ARHGAP31: variants seen among roughly 807,000 people sequenced by gnomAD.
ARHGAP31 encodes the protein Rho GTPase activating protein 31, also known as rho GTPase-activating protein 31.
ARHGAP31 carries 34 observed loss-of-function variants against 113.9 expected under a neutral mutation model. That is an observed-to-expected ratio of 0.30 (90% CI 0.23 to 0.40). ARHGAP31 has a LOEUF of 0.40. Ranked by LOEUF, ARHGAP31 falls within the 10% of genes least tolerant of loss-of-function variation. The pLI is 1.00. For missense variants in ARHGAP31, 1,548 were observed against 1,767.1 expected (o/e 0.88, Z 2.22); for synonymous variants, 650 against 684.8 (o/e 0.95, Z 0.79).
chr3:119,368,267 C>A, intron 2 of ARHGAP31, 105 bp from the exon 3 acceptor site: 1 of 1,424,056 alleles, frequency 7.0e-7, no homozygotes, highest in Non-Finnish European at 9.8e-7. Context: ...AAAATATAGT[C>A]AGAATCAGCA....
At chr3:119,336,763 A>C (rs1001303647) in intron 1 of ARHGAP31, among the ~76,000 whole-genome samples, 1 of 152,216 alleles carries the variant, frequency 6.6e-6, no homozygotes, top group Non-Finnish European at 1.5e-5. Context: ...CAACATTTGC[A>C]TCACCCTCAA....
chr3:119,404,462 T>A (rs1173288272), intron 10 of ARHGAP31, among the ~76,000 whole-genome samples: 1 of 152,184 alleles, frequency 6.6e-6, no homozygotes, highest in Non-Finnish European at 1.5e-5. Context: ...GCTGAGAGGC[T>A]CAGGGGCAAC....
Position 119,419,358 on chromosome 3 carries a change from T to G in ARHGAP31, c.*3094T>G, listed in dbSNP as rs1284764247. On this transcript the variant is annotated 3_prime_UTR_variant, in exon 12 of 12. Transcript: ENST00000264245. ...CCTATATTTTCTGCTACACTTGGAA[T>G]ATGAAGAAATCTGAACAAGAACCCC... 2 of 152,204 alleles carry G rather than the reference T, an allele frequency of 1.3e-5. No homozygotes were observed. The highest frequency in any genetic ancestry group is 2.4e-5 in the African/African-American group (1 of 41,456). The allele number at this position is 152,204 out of a possible 1,614,324, so 9.4% of individuals were successfully genotyped here.
intron 10 of ARHGAP31, among the ~76,000 whole-genome samples, chr3:119,409,171 C>T (rs1440473032): frequency 6.6e-6 from 1 of 152,122 alleles, no homozygotes; most frequent in African/African-American, 2.4e-5. Context: ...CACCCCTCCC[C>T]AATGTTGTGG....
At chr3:119,326,463 G>T (rs2079844906) in intron 1 of ARHGAP31, among the ~76,000 whole-genome samples, 1 of 151,264 alleles carries the variant, frequency 6.6e-6, no homozygotes, top group Admixed American at 6.6e-5. Flanking sequence ...CATTGTGTAA[G>T]ATCTAAAACT....
chr3:119,330,024 T>C (rs772708231), intron 1 of ARHGAP31: 55 of 984,984 alleles, frequency 5.6e-5, no homozygotes, highest in Non-Finnish European at 6.3e-5. Flanking sequence ...CATTTGCCAG[T>C]TGCTTCATAA....
chr3:119,381,053 G>T, intron 4 of ARHGAP31, 67 bp downstream of exon 4: 1 of 1,469,458 alleles, frequency 6.8e-7, no homozygotes, highest in Non-Finnish European at 9.5e-7. Context: ...AGACAGGCTG[G>T]CATCATGGAA....
chr3:119,353,290 G>A (rs114862198), intron 1 of ARHGAP31, among the ~76,000 whole-genome samples: 2,619 of 152,232 alleles, frequency 0.017, 47 homozygotes, highest in East Asian at 0.06. Context: ...ACATCTAAAA[G>A]CTCTGCCTGA....
chr3:119,399,741 C>CTATT (rs952220598), intron 9 of ARHGAP31, among the ~76,000 whole-genome samples: 1 of 152,226 alleles, frequency 6.6e-6, no homozygotes, highest in Non-Finnish European at 1.5e-5. Flanking sequence ...ATTCATGTAT[C>CTATT]TATTTATTCA....
In ARHGAP31 at chr3:119,414,540, G is replaced by C; in HGVS notation, c.2611G>C (p.Val871Leu). The C allele has an allele frequency of 1.2e-6, 2 of 1,614,222 alleles. No individual in the cohort carries two copies. The highest frequency in any genetic ancestry group is 1.7e-6 in the Non-Finnish European group (2 of 1,180,026). The change falls in exon 12 of 12, where the codon GTC becomes CTC. Residue 871 changes from valine (V) to leucine (L), a missense_variant. Val to Leu is a conservative substitution (Grantham distance 32). Transcript: ENST00000264245. ...AAGCCCAACCAGGGAGGTTGAGATC[G>C]TCTCACAAGAAGAGGAGGATGTAAC... ...FPSPTREVEI[V>L]SQEEEDVTHS...
rs141386721 is a variant in ARHGAP31, at chr3:119,371,653, T to C, written c.348+3137T>C. ...ACAGCTAAAGTAGAATAATACCTTT[T>C]ATTAACTTTTATTTTAGGTTCAGGG... On this transcript the variant is annotated intron_variant, in intron 3 of 11. Transcript: ENST00000264245. 1.7e-3 allele frequency among the ~76,000 whole-genome samples: 264 copies of C among 152,318 alleles called. 2 individuals are homozygous for C. Among genetic ancestry groups the C allele is most frequent in the African/African-American group, 6.1e-3 (254 of 41,564 alleles).
At chr3:119,330,499 G>T (rs915776310) in intron 1 of ARHGAP31, among the ~76,000 whole-genome samples, 2 of 152,194 alleles carry the variant, frequency 1.3e-5, no homozygotes, top group African/African-American at 4.8e-5. Flanking sequence ...TGTTTTTAGG[G>T]TTGTTTTGTG....
rs778983749 is a variant in ARHGAP31, at chr3:119,382,150, A to G, written c.432-142A>G. On this transcript the variant is annotated intron_variant, in intron 4 of 11. Transcript: ENST00000264245. ...AGGGCCAAGAAAATTACTTCTGTCAATCTTGACATCTTTCCAATGTCAATT... is the reference window on the plus strand; with the variant it reads ...AGGGCCAAGAAAATTACTTCTGTCAGTCTTGACATCTTTCCAATGTCAATT... 8.4e-5 allele frequency: 76 copies of G among 908,068 alleles called. 1 individual carries two copies. Among genetic ancestry groups the G allele is most frequent in the Non-Finnish European group, 1.2e-4 (68 of 571,358 alleles). The allele number at this position is 908,068 out of a possible 1,614,324, so 56.3% of individuals were successfully genotyped here.
At chr3:119,363,195 A>C (rs2080225310) in intron 1 of ARHGAP31, among the ~76,000 whole-genome samples, 1 of 152,108 alleles carries the variant, frequency 6.6e-6, no homozygotes, top group Admixed American at 6.6e-5. Context: ...CATTGTTCAC[A>C]ACAGGGATTT....
intron 8 of ARHGAP31, among the ~76,000 whole-genome samples, chr3:119,397,693 G>C (rs1198615538): frequency 6.6e-6 from 1 of 152,242 alleles, no homozygotes; most frequent in Non-Finnish European, 1.5e-5. Context: ...GAACCTCCCA[G>C]AAGGAGCAGG....
chr3:119,414,053 T>C lies in ARHGAP31; in HGVS notation c.2124T>C (p.Pro708=). The part of the protein sequence containing the change: ...PPGSLPCGSF[P]APVSTPLEVW... ...GGAGCTTGCCTTGTGGCTCCTTCCC[T>C]GCTCCAGTCTCCACCCCTCTGGAGG... The change falls in exon 12 of 12, where the codon CCT becomes CCC. Residue 708 remains proline (P), a synonymous_variant. Transcript: ENST00000264245. The C allele has an allele frequency of 5.0e-6, 8 of 1,614,178 alleles. No individual in the cohort carries two copies. Among genetic ancestry groups the C allele is most frequent in the Non-Finnish European group, 6.8e-6 (8 of 1,180,026 alleles).
At chr3:119,396,087 AC>A (rs1430713909) in intron 8 of ARHGAP31, among the ~76,000 whole-genome samples, 1 of 152,176 alleles carries the variant, frequency 6.6e-6, no homozygotes, top group Non-Finnish European at 1.5e-5. Context: ...AAATAACAAA[AC>A]AAAACAACAA....
intron 10 of ARHGAP31, among the ~76,000 whole-genome samples, chr3:119,403,409 C>T (rs555290281): frequency 1.4e-3 from 211 of 152,318 alleles, no homozygotes; most frequent in African/African-American, 4.9e-3. Context: ...ATGCTTGTAA[C>T]ACTATACCAC....
rs147687308 is a variant in ARHGAP31, at chr3:119,351,866, C to G, written c.101-13450C>G. ...AGGAGCAGGTGGCAAGAAAGCTGCT[C>G]ATCCAGTAAATAAAACTTTGATCAG... On this transcript the variant is annotated intron_variant, in intron 1 of 11. Transcript: ENST00000264245. Among the ~76,000 whole-genome samples, 118 of 152,332 alleles carry G rather than the reference C, an allele frequency of 7.7e-4. 1 individual carries two copies. The highest frequency in any genetic ancestry group is 2.6e-3 in the African/African-American group (108 of 41,576).
Sources: allele counts gnomAD v4.1 joint callset (sites outside exome capture counted in the v4.1 genomes callset), GRCh38; gene constraint gnomAD v4.1.1; transcripts MANE v1.5; gene names NCBI Gene and HGNC (gene_info 2026-07-23, HGNC 2026-07-21).